RBPJ: variants seen among roughly 807,000 people sequenced by gnomAD.
RBPJ encodes recombining binding protein suppressor of hairless.
In RBPJ, 9 loss-of-function variants were observed where a neutral mutation model predicts 67.8. That is an observed-to-expected ratio of 0.13 (90% CI 0.08 to 0.23). The LOEUF (loss-of-function observed/expected upper bound fraction) is 0.23, where lower values mean the gene tolerates loss of function less well. Ranked by LOEUF, RBPJ falls within the 10% of genes least tolerant of loss-of-function variation. The probability of loss-of-function intolerance (pLI) is 1.00; values close to 1 mark genes in which losing one functional copy is unlikely to be tolerated. For synonymous variants in RBPJ, 198 were observed against 203.3 expected (o/e 0.97, Z 0.22); for missense variants, 305 against 595.6 (o/e 0.51, Z 5.08).
intron 1 of RBPJ, among the ~76,000 whole-genome samples, chr4:26,182,023 T>C (rs1324900993): frequency 6.6e-6 from 1 of 152,254 alleles, no homozygotes; most frequent in East Asian, 1.9e-4. Context: ...ACTTTTTACA[T>C]GTTAAACTTT....
chr4:26,428,841 A>C lies in RBPJ; in HGVS notation c.869A>C (p.Glu290Ala). 6.2e-7 allele frequency: 1 copy of C among 1,602,072 alleles called. No homozygotes were observed. Among genetic ancestry groups the C allele is most frequent in the Admixed American group, 1.7e-5 (1 of 59,930 alleles). Residue 290 changes from glutamate to alanine, a missense_variant, in exon 8 of 11, where the codon GAA becomes GCA. Transcript: ENST00000355476. ...TERMYLCLSQ[E>A]RIIQFQATPC... ...AGAATGTATTTGTGCCTTTCTCAAG[A>C]AAGAATAATTCAATTTCAGGTATGT...
chr4:26,193,984 C>T (rs1017716566), intron 1 of RBPJ, among the ~76,000 whole-genome samples: 14 of 152,194 alleles, frequency 9.2e-5, no homozygotes, highest in African/African-American at 3.1e-4. Flanking sequence ...GCTTCCTTTA[C>T]GTAGGGCAAC....
chr4:26,361,058 C>CGTGTGTGT (rs55870302), intron 1 of RBPJ, among the ~76,000 whole-genome samples: 3 of 148,770 alleles, frequency 2.0e-5, no homozygotes, highest in East Asian at 2.0e-4. Flanking sequence ...AGTGTGTGTG[C>CGTGTGTGT]GTGTGTGTGT....
At chr4:26,164,905 G>A (rs532816525) in intron 1 of RBPJ, among the ~76,000 whole-genome samples, 23 of 152,308 alleles carry the variant, frequency 1.5e-4, no homozygotes, top group Non-Finnish European at 2.9e-4. Flanking sequence ...GAGGCCTGGG[G>A]AAGCTCAGAA....
rs1353842005 is a variant in RBPJ at position 26,420,325 on chromosome 4, C to T, written c.322-226C>T. Among the ~76,000 whole-genome samples the T allele has an allele frequency of 2.0e-5, 3 of 152,054 alleles. No homozygotes were observed. The South Asian group carries it at 6.2e-4, about 32-fold the overall frequency. ...TTTAAATGGTCTTTTAAAGAGGATA[C>T]AATAGATGACAATGTTTGTGTTCTA... On this transcript the variant is annotated intron_variant, in intron 4 of 10. Transcript: ENST00000355476.
chr4:26,134,428 C>T, the RBPJ span, among the ~76,000 whole-genome samples: 1 of 152,202 alleles, frequency 6.6e-6, no homozygotes, highest in Non-Finnish European at 1.5e-5. Flanking sequence ...AGCACAGGCC[C>T]CGTGCAAGTG....
intron 7 of RBPJ, among the ~76,000 whole-genome samples, chr4:26,425,694 C>T (rs951256915): frequency 1.3e-5 from 2 of 152,070 alleles, no homozygotes; most frequent in South Asian, 4.1e-4. Context: ...AGTGCCACCA[C>T]CCTCCCAATT....
chr4:26,295,245 A>AGTGTGTGT lies in RBPJ; in HGVS notation c.-166-67183_-166-67176dup, dbSNP rs71932374. Among the ~76,000 whole-genome samples the AGTGTGTGT allele has an allele frequency of 3.1e-3, 450 of 147,120 alleles. 4 individuals carry two copies. The highest frequency in any genetic ancestry group is 9.8e-3 in the African/African-American group (393 of 40,172). ...GTTGTCCAGGAAGAAAGGGTGCATC[A>AGTGTGTGT]GTGTGTGTGTGTGTGTGTGTGTGTG... On this transcript the variant is annotated intron_variant, in intron 1 of 4. Coordinates refer to the RBPJ transcript ENST00000512351.
intron 1 of RBPJ, among the ~76,000 whole-genome samples, chr4:26,201,871 G>A (rs1717991511): frequency 6.6e-6 from 1 of 152,142 alleles, no homozygotes; most frequent in African/African-American, 2.4e-5. Flanking sequence ...TCAGAAATTT[G>A]CAGGGAGGGC....
intron 1 of RBPJ, among the ~76,000 whole-genome samples, chr4:26,216,413 A>T (rs2109184426): frequency 6.6e-6 from 1 of 152,260 alleles, no homozygotes; most frequent in East Asian, 1.9e-4. Flanking sequence ...AAGCACAGTG[A>T]AGGACAGAGG....
intron 3 of RBPJ, among the ~76,000 whole-genome samples, chr4:26,407,242 T>G (rs1293926419): frequency 6.6e-6 from 1 of 152,178 alleles, no homozygotes; most frequent in Non-Finnish European, 1.5e-5. Flanking sequence ...ATCCTAAAAC[T>G]GTCTTGAGCT....
At chr4:26,319,576 G>A, upstream of RBPJ, 1 of 516,236 alleles carries the variant, frequency 1.9e-6, no homozygotes, top group East Asian at 3.7e-5. Context: ...GGCTCCGCGA[G>A]ATTTGGGGCG....
chr4:26,260,645 A>C (rs753836580), intron 1 of RBPJ, among the ~76,000 whole-genome samples: 48 of 152,238 alleles, frequency 3.2e-4, no homozygotes, highest in Admixed American at 9.2e-4. Context: ...AGGGAATGGA[A>C]ATAATAATAC....
intron 1 of RBPJ, among the ~76,000 whole-genome samples, chr4:26,277,634 G>T (rs966482958): frequency 1.5e-4 from 23 of 152,240 alleles, no homozygotes; most frequent in African/African-American, 5.5e-4. Context: ...CGAAGGAGTG[G>T]CAGGGGCCTA....
At chr4:26,408,524 G>A (rs1733702985) in intron 3 of RBPJ, among the ~76,000 whole-genome samples, 1 of 151,978 alleles carries the variant, frequency 6.6e-6, no homozygotes, top group Admixed American at 6.6e-5. Context: ...CCATCATTAT[G>A]GAGGAAGAAT....
At chr4:26,271,951 T>C (rs1720931223) in intron 1 of RBPJ, among the ~76,000 whole-genome samples, 1 of 152,180 alleles carries the variant, frequency 6.6e-6, no homozygotes, top group Non-Finnish European at 1.5e-5. Flanking sequence ...GGCACATGGG[T>C]GCATACATGC....
intron 1 of RBPJ, among the ~76,000 whole-genome samples, chr4:26,223,956 T>G (rs1476395887): frequency 3.3e-5 from 5 of 152,230 alleles, no homozygotes; most frequent in African/African-American, 1.2e-4. Context: ...CTGTGCTTAA[T>G]TTTCTAAATG....
At chr4:26,121,267 T>G in the RBPJ span, among the ~76,000 whole-genome samples, 1,093 of 152,246 alleles carry the variant, frequency 7.2e-3, 14 homozygotes, top group Non-Finnish European at 0.012. Flanking sequence ...TGAATCTTAC[T>G]TTGTCAACAA....
chr4:26,410,032 TA>T (rs1166921015), intron 3 of RBPJ: 1 of 454,770 alleles, frequency 2.2e-6, no homozygotes, highest in African/African-American at 2.0e-5. Flanking sequence ...TTGATTTTTT[TA>T]AAAAACAGGT....
Sources: allele counts gnomAD v4.1 joint callset (sites outside exome capture counted in the v4.1 genomes callset), GRCh38; gene constraint gnomAD v4.1.1; transcripts MANE v1.5; gene names NCBI Gene and HGNC (gene_info 2026-07-23, HGNC 2026-07-21).